AGO3: variants seen among roughly 807,000 people sequenced by gnomAD.
AGO3 encodes the protein argonaute RISC catalytic component 3.
Under a neutral mutation model 105.5 loss-of-function variants are expected in AGO3, and 16 were observed. The observed-to-expected ratio is 0.15, with a 90% CI of 0.10 to 0.23. The LOEUF is 0.23. Ranked by LOEUF, AGO3 falls within the 10% of genes least tolerant of loss-of-function variation. The pLI is 1.00. For synonymous variants in AGO3, 340 were observed against 367.3 expected (o/e 0.93, Z 0.85); for missense variants, 534 against 1,088.0 (o/e 0.49, Z 7.16).
intron 11 of AGO3, among the ~76,000 whole-genome samples, chr1:36,025,501 T>C (rs1405289456): frequency 2.0e-5 from 3 of 152,138 alleles, no homozygotes; most frequent in Admixed American, 1.3e-4. Context: ...CTTGAATAGA[T>C]GTCTCAGAAT....
chr1:36,047,628 C>T (rs936859074), intron 17 of AGO3, among the ~76,000 whole-genome samples: 2 of 151,896 alleles, frequency 1.3e-5, no homozygotes, highest in Non-Finnish European at 2.9e-5. Flanking sequence ...ACCTGTAATC[C>T]CAACACTTTG....
intron 14 of AGO3, among the ~76,000 whole-genome samples, chr1:36,037,706 G>T (rs1642073229): frequency 1.3e-5 from 2 of 151,770 alleles, no homozygotes; most frequent in African/African-American, 4.8e-5. Flanking sequence ...TAATTCTCTT[G>T]CTTTTGTATT....
At chr1:35,971,467 T>C (rs1267257911) in intron 3 of AGO3, among the ~76,000 whole-genome samples, 1 of 151,858 alleles carries the variant, frequency 6.6e-6, no homozygotes, top group Non-Finnish European at 1.5e-5. Context: ...CCTTTTTTTT[T>C]TCTTTTTTTT....
intron 1 of AGO3, among the ~76,000 whole-genome samples, chr1:35,941,395 G>A (rs191482538): frequency 6.6e-6 from 1 of 152,126 alleles, no homozygotes; most frequent in East Asian, 1.9e-4. Context: ...AGCAGCTGGA[G>A]TGATACTTAA....
intron 12 of AGO3, among the ~76,000 whole-genome samples, chr1:36,033,336 C>CA (rs80275011): frequency 0.01 from 1,307 of 124,904 alleles, 17 homozygotes; most frequent in African/African-American, 0.034. Flanking sequence ...GACTCCATCT[C>CA]AAAAAAAAAA....
intron 2 of AGO3, among the ~76,000 whole-genome samples, chr1:35,953,901 A>G (rs1043402938): frequency 9.9e-5 from 15 of 152,154 alleles, no homozygotes; most frequent in African/African-American, 3.6e-4. Context: ...TATTAGATAT[A>G]TGGTTGCAAA....
chr1:35,996,785 A>AAT (rs1475720456), intron 5 of AGO3, among the ~76,000 whole-genome samples: 39 of 151,166 alleles, frequency 2.6e-4, no homozygotes, highest in African/African-American at 9.0e-4. Context: ...AAAAAAAAAA[A>AAT]TTATATGTGA....
intron 11 of AGO3, among the ~76,000 whole-genome samples, chr1:36,025,902 G>A (rs1641478954): frequency 6.6e-6 from 1 of 152,072 alleles, no homozygotes; most frequent in South Asian, 2.1e-4. Flanking sequence ...GCCAGGCGCG[G>A]TGGCACATGC....
intron 12 of AGO3, among the ~76,000 whole-genome samples, chr1:36,033,689 A>G (rs1205765255): frequency 2.6e-5 from 4 of 152,006 alleles, no homozygotes; most frequent in Non-Finnish European, 4.4e-5. Context: ...TATGATGGTT[A>G]TAATGGCAGA....
chr1:36,036,273 T>C lies in AGO3; in HGVS notation c.1842+6T>C. On this transcript the variant is annotated splice_donor_region_variant and intron_variant, in intron 14 of 18. Transcript: ENST00000373191. ...AGAAGCCTTCTATTGCTGCTGTGAG[T>C]GTTAGCCAGGTTTATCTTACCTAAG... 1 of 1,613,380 alleles carries C rather than the reference T, an allele frequency of 6.2e-7. No individual in the cohort carries two copies. The highest frequency in any genetic ancestry group is 8.5e-7 in the Non-Finnish European group (1 of 1,179,340).
rs1376577844 is a variant in AGO3, at chr1:35,995,057, C to T, written c.659-9284C>T. 3.3e-5 allele frequency among the ~76,000 whole-genome samples: 5 copies of T among 151,532 alleles called. No individual in the cohort carries two copies. In the East Asian group the frequency reaches 5.8e-4, roughly 18 times the overall value. Reference sequence around the variant, plus strand: ...CTACTAAAATACAAAAAAAATTAGCCGGGCATGGTGGCGTGTGCCTGTGGT... The same window carrying T: ...CTACTAAAATACAAAAAAAATTAGCTGGGCATGGTGGCGTGTGCCTGTGGT... On this transcript the variant is annotated intron_variant, in intron 5 of 18. Transcript: ENST00000373191.
At position 36,055,049 on chromosome 1, in the gene AGO3, G is replaced by A. The variant is rs1409908412; in HGVS notation, c.2378G>A (p.Arg793His). ...TACCAGCTCTGCCACACTTACGTAC[G>A]CTGTACACGATCTGTTTCTATACCT... ...LTYQLCHTYV[R>H]CTRSVSIPAP... Residue 793 changes from arginine to histidine, a missense_variant, in exon 18 of 19, where the codon CGC becomes CAC. Physicochemically the swap from Arg to His is conservative, Grantham distance 29. This residue lies in a region of AGO3 where 373 missense variants were observed against 854.0 expected (regional missense o/e 0.44). Coordinates refer to ENST00000373191, the MANE Select transcript of AGO3 (RefSeq NM_024852.4). This position sits in a 1 kb window ranked among gnomAD's most constrained non-coding sequence, Gnocchi z 4.4. 6.2e-7 allele frequency: 1 copy of A among 1,614,112 alleles called. No homozygotes were observed. The highest frequency in any genetic ancestry group is 1.3e-5 in the African/African-American group (1 of 75,020).
At chr1:36,020,844 T>G (rs1040471430) in intron 11 of AGO3, among the ~76,000 whole-genome samples, 1 of 152,114 alleles carries the variant, frequency 6.6e-6, no homozygotes, top group Admixed American at 6.6e-5. Flanking sequence ...CTCGAACTCC[T>G]GACCTCAAGT....
chr1:35,931,695 G>C (rs1646052346), intron 1 of AGO3, among the ~76,000 whole-genome samples: 1 of 152,262 alleles, frequency 6.6e-6, no homozygotes, highest in African/African-American at 2.4e-5. Flanking sequence ...TATCTAGGCG[G>C]CATTACTCTT....
intron 5 of AGO3, among the ~76,000 whole-genome samples, chr1:36,001,252 TAAATAA>T (rs1161529750): frequency 6.6e-6 from 1 of 151,388 alleles, no homozygotes; most frequent in East Asian, 1.9e-4. Context: ...AATGAATAAA[TAAATAA>T]AAATAAAAAA....
chr1:35,930,862 C>T, upstream of AGO3: 1 of 217,526 alleles, frequency 4.6e-6, no homozygotes, highest in Non-Finnish European at 9.0e-6. Flanking sequence ...GGCACCGCCC[C>T]CACTCGTGCG....
chr1:36,014,586 AT>A (rs1640794124), intron 11 of AGO3, among the ~76,000 whole-genome samples: 1 of 148,816 alleles, frequency 6.7e-6, no homozygotes, highest in African/African-American at 2.5e-5. Context: ...CCTGGCTAAC[AT>A]GGTGAAACCC....
intron 2 of AGO3, among the ~76,000 whole-genome samples, chr1:35,961,418 G>A (rs1388163276): frequency 6.6e-6 from 1 of 152,052 alleles, no homozygotes; most frequent in African/African-American, 2.4e-5. Flanking sequence ...ATTTACTTTT[G>A]AATAACTCTG....
At position 36,064,574 on chromosome 1, in the gene AGO3, A is replaced by G. The variant is rs1643065741; in HGVS notation, c.*8829A>G. ...AAATTATTGGAGCTCAATGTATGAC[A>G]TTTTACTGTAGTGTATTCCACTGAG... On this transcript the variant is annotated 3_prime_UTR_variant, in exon 19 of 19. Coordinates refer to ENST00000373191, the MANE Select transcript of AGO3 (RefSeq NM_024852.4). The G allele has an allele frequency of 6.6e-6, 1 of 152,130 alleles. No individual in the cohort carries two copies. Among genetic ancestry groups the G allele is most frequent in the Non-Finnish European group, 1.5e-5 (1 of 68,028 alleles). 9.4% of individuals were successfully genotyped at this position (152,130 alleles called of 1,614,324 possible).
Sources: allele counts gnomAD v4.1 joint callset (sites outside exome capture counted in the v4.1 genomes callset), GRCh38; gene constraint gnomAD v4.1.1; regional missense constraint gnomAD v4.1.1; non-coding constraint Gnocchi (gnomAD v3.1); transcripts MANE v1.5; gene names NCBI Gene and HGNC (gene_info 2026-07-23, HGNC 2026-07-21).